Variants in DENND3 observed in about 807,000 individuals in gnomAD.
The protein encoded by DENND3 is DENN domain-containing protein 3.
A neutral mutation model predicts 135.1 loss-of-function variants in DENND3; 88 were observed. The ratio of observed to expected loss-of-function variants is 0.65; its 90% CI spans 0.55 to 0.78. DENND3 has a LOEUF of 0.78. Among genes scored for constraint, DENND3 ranks in the 30% least tolerant of loss-of-function variants. The pLI, the probability that DENND3 is intolerant of heterozygous loss-of-function variation, is 0.00. For synonymous variants in DENND3, 693 were observed against 712.3 expected (o/e 0.97, Z 0.43); for missense variants, 1,392 against 1,688.4 (o/e 0.82, Z 3.08).
intron 18 of DENND3, among the ~76,000 whole-genome samples, chr8:141,188,003 G>A (rs1315680754): frequency 1.4e-5 from 2 of 145,370 alleles, no homozygotes; most frequent in South Asian, 2.2e-4. Context: ...CCTGGGCAAC[G>A]TGGGGAAACC....
intron 22 of DENND3, 134 bp downstream of exon 22, chr8:141,192,797 C>A (rs1484093795): frequency 6.3e-7 from 1 of 1,580,092 alleles, no homozygotes; most frequent in Admixed American, 1.8e-5. Flanking sequence ...CCCCTCCTAA[C>A]AGGCACGTGC....
At chr8:141,152,953 G>A (rs1377123903) in intron 7 of DENND3, among the ~76,000 whole-genome samples, 1 of 152,086 alleles carries the variant, frequency 6.6e-6, no homozygotes, top group Non-Finnish European at 1.5e-5. Context: ...CCCCGACCCG[G>A]TGAGGAGGAG....
intron 14 of DENND3, chr8:141,176,287 C>CAA (rs1274747351): frequency 1.6e-3 from 236 of 151,292 alleles, no homozygotes; most frequent in Middle Eastern, 4.3e-3. Context: ...AAAAACAAAA[C>CAA]AAAAAAAAAA....
At position 141,168,542 on chromosome 8, in the gene DENND3, C is replaced by A; in HGVS notation, c.2275+17C>A. On this transcript the variant is annotated intron_variant, in intron 13 of 22. Transcript: ENST00000519811. The surrounding 1 kb of genome is among the most constrained non-coding windows in gnomAD (Gnocchi z 6.2). ...TGACTGTAGGTAAGAGGAGGCCTGG[C>A]ACCATCACAGATTTTATTATTTAGA... 6.3e-7 allele frequency: 1 copy of A among 1,587,542 alleles called. No homozygotes were observed. The highest frequency in any genetic ancestry group is 8.6e-7 in the Non-Finnish European group (1 of 1,164,170).
intron 1 of DENND3, 53 bp from the exon 2 acceptor site, chr8:141,136,456 C>G: frequency 6.8e-7 from 1 of 1,477,474 alleles, no homozygotes; most frequent in South Asian, 1.3e-5. Flanking sequence ...GAAAGGATAC[C>G]CTCGAACAAG....
chr8:141,188,830 G>C (rs879615802), intron 18 of DENND3, 156 bp from the exon 19 acceptor site: 79 of 937,332 alleles, frequency 8.4e-5, no homozygotes, highest in Non-Finnish European at 8.1e-5. Flanking sequence ...GGATGACAAC[G>C]TCAGGGCCAG....
chr8:141,148,320 C>T (rs938149859), intron 5 of DENND3, among the ~76,000 whole-genome samples: 1 of 152,172 alleles, frequency 6.6e-6, no homozygotes, highest in African/African-American at 2.4e-5. Context: ...TTCCCTGGTT[C>T]CCGTTCAGCC....
In DENND3 at chr8:141,176,743, G is replaced by A; in HGVS notation, c.2688G>A (p.Lys896=). 6.2e-7 allele frequency: 1 copy of A among 1,614,012 alleles called. No individual in the cohort carries two copies. The highest frequency in any genetic ancestry group is 2.2e-5 in the East Asian group (1 of 44,884). Residue 896 remains lysine (K), a synonymous_variant, in exon 15 of 23, where the codon AAG becomes AAA. Coordinates refer to ENST00000519811, the MANE Select transcript of DENND3 (RefSeq NM_001352890.3). ...TGAAGGAGATGTGGGCTGGGAAGAAGCTGGCCGATGACCACAAGGTGGGAG... is the reference window on the plus strand; with the variant it reads ...TGAAGGAGATGTGGGCTGGGAAGAAACTGGCCGATGACCACAAGGTGGGAG... ...LMVKEMWAGK[K]LADDHKDPHY... is the part of the protein sequence containing the mutation.
At chr8:141,183,081 A>G (rs1444726139) in intron 17 of DENND3, among the ~76,000 whole-genome samples, 1 of 152,230 alleles carries the variant, frequency 6.6e-6, no homozygotes, top group African/African-American at 2.4e-5. Flanking sequence ...CCGAAACCTC[A>G]ACGCGGTGGT....
chr8:141,145,774 ATTTG>A (rs1399189112), intron 5 of DENND3, among the ~76,000 whole-genome samples: 4 of 127,540 alleles, frequency 3.1e-5, no homozygotes, highest in South Asian at 2.6e-4. Flanking sequence ...TTTTTCATTT[ATTTG>A]TTTATTTGTC....
In DENND3 at chr8:141,154,721, C is replaced by T. The variant is rs896609512; in HGVS notation, c.1075-1128C>T. ...GGGATTGCAGGCACACGCCACCATGCCTGGGTAATTTTTGTATTTTTAGTA... is the reference window on the plus strand; with the variant it reads ...GGGATTGCAGGCACACGCCACCATGTCTGGGTAATTTTTGTATTTTTAGTA... On this transcript the variant is annotated intron_variant, in intron 7 of 22. Transcript: ENST00000519811. This position sits in a 1 kb window ranked among gnomAD's most constrained non-coding sequence, Gnocchi z 4.4. Among the ~76,000 whole-genome samples, 4 of 152,064 alleles carry T rather than the reference C, an allele frequency of 2.6e-5. No individual in the cohort carries two copies. The highest frequency in any genetic ancestry group is 9.7e-5 in the African/African-American group (4 of 41,388).
At chr8:141,181,016 T>C (rs1242784433) in intron 17 of DENND3, among the ~76,000 whole-genome samples, 162 bp downstream of exon 17, 1 of 152,130 alleles carries the variant, frequency 6.6e-6, no homozygotes, top group Non-Finnish European at 1.5e-5. Context: ...GAGTGACAGG[T>C]GTGCAGCTGG....
rs150780886 is a variant in DENND3, at chr8:141,176,000, T to G, written c.2535+541T>G. The G allele has an allele frequency of 2.1e-4, 40 of 191,690 alleles. No individual in the cohort carries two copies. Among genetic ancestry groups the G allele is most frequent in the Non-Finnish European group, 3.8e-4 (35 of 91,186 alleles). 11.9% of individuals were successfully genotyped at this position (191,690 alleles called of 1,614,324 possible). ...ATCTGAATTTCATCCTGATTCCTCT[T>G]ACGCCTTATAGTTGTTTTCCCAGAT... On this transcript the variant is annotated intron_variant, in intron 14 of 22. Transcript: ENST00000519811. This position sits in a 1 kb window ranked among gnomAD's most constrained non-coding sequence, Gnocchi z 5.4.
intron 9 of DENND3, 130 bp from the exon 10 acceptor site, chr8:141,163,203 G>A (rs1314711721): frequency 1.8e-6 from 1 of 545,638 alleles, no homozygotes; most frequent in Non-Finnish European, 3.3e-6. Flanking sequence ...TGGTAATCAA[G>A]AATCTTTCTG....
At chr8:141,136,824 T>C in intron 2 of DENND3, 33 bp downstream of exon 2, 1 of 1,505,580 alleles carries the variant, frequency 6.6e-7, no homozygotes, top group Non-Finnish European at 8.9e-7. Flanking sequence ...ACTGGGCGCC[T>C]CCTGCTGCCG....
At chr8:141,178,553 C>G (rs1822690129) in intron 16 of DENND3, among the ~76,000 whole-genome samples, 1 of 152,210 alleles carries the variant, frequency 6.6e-6, no homozygotes, top group Non-Finnish European at 1.5e-5. Flanking sequence ...TGGAGCGGCT[C>G]CTGGAATCTC....
intron 16 of DENND3, 89 bp from the exon 17 acceptor site, chr8:141,180,658 T>C: frequency 8.3e-7 from 1 of 1,206,022 alleles, no homozygotes; most frequent in South Asian, 1.4e-5. Context: ...AAGCTGATAT[T>C]CTGCAGAAAT....
At position 141,137,184 on chromosome 8, in the gene DENND3, T is replaced by C. The variant is rs1356484970; in HGVS notation, c.385+393T>C. On this transcript the variant is annotated intron_variant, in intron 2 of 22. Transcript: ENST00000519811. The surrounding 1 kb of genome is among the most constrained non-coding windows in gnomAD (Gnocchi z 4.1). ...TAGTAGAAATGGGGTTTCACCATGTTGGCCAGGCTGGTCTTGAACTCTTGG... is the reference window on the plus strand; with the variant it reads ...TAGTAGAAATGGGGTTTCACCATGTCGGCCAGGCTGGTCTTGAACTCTTGG... Among the ~76,000 whole-genome samples the C allele has an allele frequency of 6.6e-6, 1 of 152,148 alleles. No individual in the cohort carries two copies. The highest frequency in any genetic ancestry group is 1.5e-5 in the Non-Finnish European group (1 of 68,014).
intron 16 of DENND3, among the ~76,000 whole-genome samples, chr8:141,179,437 G>A (rs1300669617): frequency 2.0e-5 from 3 of 152,186 alleles, no homozygotes; most frequent in Admixed American, 6.5e-5. Flanking sequence ...GACGGCAGAC[G>A]AGGAGCCGCC....
Sources: allele counts gnomAD v4.1 joint callset (sites outside exome capture counted in the v4.1 genomes callset), GRCh38; gene constraint gnomAD v4.1.1; non-coding constraint Gnocchi (gnomAD v3.1); transcripts MANE v1.5; gene names NCBI Gene and HGNC (gene_info 2026-07-23, HGNC 2026-07-21).